Variants in SGIP1 observed in about 807,000 individuals in gnomAD.
SGIP1 encodes the protein SH3-containing GRB2-like protein 3-interacting protein 1.
Under a neutral mutation model 107.5 loss-of-function variants are expected in SGIP1, and 38 were observed. That is an observed-to-expected ratio of 0.35 (90% CI 0.27 to 0.46). SGIP1 has a LOEUF of 0.46. SGIP1 is among the 20% of genes least tolerant of loss of function. The pLI, the probability that SGIP1 is intolerant of heterozygous loss-of-function variation, is 1.00. For synonymous variants in SGIP1, 365 were observed against 366.1 expected (o/e 1.00, Z 0.03); for missense variants, 929 against 1,019.5 (o/e 0.91, Z 1.21).
intron 1 of SGIP1, among the ~76,000 whole-genome samples, chr1:66,597,202 T>C (rs964574): frequency 0.67 from 101,753 of 152,068 alleles, 35,315 homozygotes; most frequent in East Asian, 1. Flanking sequence ...TGCTTCTCTC[T>C]CTCCTCCCAA....
At chr1:66,598,575 T>A (rs1160785635) in intron 1 of SGIP1, among the ~76,000 whole-genome samples, 3 of 152,150 alleles carry the variant, frequency 2.0e-5, no homozygotes, top group African/African-American at 2.4e-5. Context: ...ACAGGAATCA[T>A]GGCAGCATCT....
At chr1:66,615,663 G>A (rs954815092) in intron 1 of SGIP1, among the ~76,000 whole-genome samples, 1 of 152,056 alleles carries the variant, frequency 6.6e-6, no homozygotes, top group Non-Finnish European at 1.5e-5. Flanking sequence ...TTGGTTTGAT[G>A]AATTACAATT....
intron 2 of SGIP1, among the ~76,000 whole-genome samples, chr1:66,629,681 T>A (rs2073820866): frequency 6.6e-6 from 1 of 151,968 alleles, no homozygotes; most frequent in Admixed American, 6.6e-5. Context: ...GCAAATACAA[T>A]AAGTCTGCCA....
intron 3 of SGIP1, among the ~76,000 whole-genome samples, chr1:66,635,188 C>T (rs1233477048): frequency 1.3e-5 from 2 of 152,192 alleles, no homozygotes; most frequent in Admixed American, 1.3e-4. Flanking sequence ...TCTCTGGTGA[C>T]AATGCTTCTG....
chr1:66,722,551 A>G (rs941263814), intron 19 of SGIP1, among the ~76,000 whole-genome samples: 2 of 152,192 alleles, frequency 1.3e-5, no homozygotes, highest in African/African-American at 4.8e-5. Context: ...TATTTACAAA[A>G]TGGCTACTAT....
rs568187935 is a variant in SGIP1 at position 66,539,827 on chromosome 1, G to A, written c.10+5459G>A. ...CTTGTCATCTCAAACATATATCCTGGGCTACTGAGTCCATCTCAGCCCGCT... is the reference window on the plus strand; with the variant it reads ...CTTGTCATCTCAAACATATATCCTGAGCTACTGAGTCCATCTCAGCCCGCT... On this transcript the variant is annotated intron_variant, in intron 1 of 24. Coordinates refer to ENST00000371037, the MANE Select transcript of SGIP1 (RefSeq NM_032291.4). Among the ~76,000 whole-genome samples the A allele has an allele frequency of 1.5e-3, 231 of 152,130 alleles. 3 individuals carry two copies. Among genetic ancestry groups the A allele is most frequent in the African/African-American group, 5.4e-3 (223 of 41,482 alleles).
chr1:66,729,428 G>T lies in SGIP1; in HGVS notation c.1898+9G>T, dbSNP rs1251696083. ...CCCCAACTTCTCTGCTGGTAAATAT[G>T]ATTTTGCATAAATTTTTCAGAGATA... On this transcript the variant is annotated intron_variant, in intron 20 of 24. Coordinates refer to ENST00000371037, the MANE Select transcript of SGIP1 (RefSeq NM_032291.4). 1 of 1,613,944 alleles carries T rather than the reference G, an allele frequency of 6.2e-7. No homozygotes were observed. Among genetic ancestry groups the T allele is most frequent in the East Asian group, 2.2e-5 (1 of 44,876 alleles).
chr1:66,681,880 T>G lies in SGIP1; in HGVS notation c.826T>G (p.Ser276Ala), dbSNP rs2086789521. The G allele has an allele frequency of 6.2e-7, 1 of 1,611,288 alleles. No individual in the cohort carries two copies. Among genetic ancestry groups the G allele is most frequent in the African/African-American group, 1.3e-5 (1 of 74,816 alleles). ...PLTIGPGNDQSATEVKIEKLP... is the reference protein window; with the variant it reads ...PLTIGPGNDQAATEVKIEKLP... ...TACTTTAACCACAGGAAATGACCAG[T>G]CAGCCACAGAGGTCAAAATTGAAAA... Residue 276 changes from serine to alanine, a missense_variant, in exon 15 of 25, where the codon TCA becomes GCA. By Grantham distance (99) the Ser-to-Ala change is moderately conservative (BLOSUM62 1). Coordinates refer to ENST00000371037, the MANE Select transcript of SGIP1 (RefSeq NM_032291.4).
chr1:66,646,849 A>G (rs777810750), intron 7 of SGIP1, among the ~76,000 whole-genome samples: 4 of 152,212 alleles, frequency 2.6e-5, no homozygotes, highest in Non-Finnish European at 5.9e-5. Context: ...TAGAAATAAA[A>G]TATAATGTTG....
At chr1:66,537,027 C>T (rs1426042076) in intron 1 of SGIP1, among the ~76,000 whole-genome samples, 1 of 152,168 alleles carries the variant, frequency 6.6e-6, no homozygotes, top group Non-Finnish European at 1.5e-5. Flanking sequence ...TCATTCAATG[C>T]CTATTGGAAA....
intron 2 of SGIP1, among the ~76,000 whole-genome samples, chr1:66,631,044 GAAGAAAGAAAGAAAGA>G (rs373346734): frequency 0.068 from 7,005 of 102,662 alleles, 183 homozygotes; most frequent in African/African-American, 0.076. Flanking sequence ...AGGAAGAAAG[GAAGAAAGAAAGAAAGA>G]AAGAAAGAAA....
intron 1 of SGIP1, among the ~76,000 whole-genome samples, chr1:66,568,263 C>T (rs2059923655): frequency 6.6e-6 from 1 of 151,854 alleles, no homozygotes; most frequent in African/African-American, 2.4e-5. Context: ...CTCTTTTTGC[C>T]CATTGTGAAT....
At chr1:66,653,955 A>C (rs1423453550) in intron 7 of SGIP1, among the ~76,000 whole-genome samples, 1 of 152,190 alleles carries the variant, frequency 6.6e-6, no homozygotes, top group Non-Finnish European at 1.5e-5. Flanking sequence ...TGAACAGTTT[A>C]CTGAATGTTG....
At chr1:66,582,965 T>G (rs926272991) in intron 1 of SGIP1, among the ~76,000 whole-genome samples, 1 of 152,014 alleles carries the variant, frequency 6.6e-6, no homozygotes, top group Non-Finnish European at 1.5e-5. Context: ...AAACTCAACT[T>G]AAATTTGGAT....
chr1:66,694,303 A>G (rs956980556), intron 17 of SGIP1: 1 of 655,926 alleles, frequency 1.5e-6, no homozygotes, highest in African/African-American at 1.9e-5. Context: ...TCATAATTCC[A>G]GTGTTTTCAG....
At chr1:66,582,491 T>C (rs1401266599) in intron 1 of SGIP1, among the ~76,000 whole-genome samples, 1 of 151,748 alleles carries the variant, frequency 6.6e-6, no homozygotes, top group Non-Finnish European at 1.5e-5. Flanking sequence ...AGTTTTTGAT[T>C]AAGTGAGAGG....
chr1:66,623,626 A>G (rs927319915), intron 1 of SGIP1, among the ~76,000 whole-genome samples: 1 of 152,158 alleles, frequency 6.6e-6, no homozygotes, highest in African/African-American at 2.4e-5. Flanking sequence ...GTGTATGCCT[A>G]TTGACATTCT....
chr1:66,593,078 G>T (rs1177286424), intron 1 of SGIP1, among the ~76,000 whole-genome samples: 2 of 151,594 alleles, frequency 1.3e-5, no homozygotes, highest in Non-Finnish European at 2.9e-5. Context: ...CCTTAACTTA[G>T]TAATATGCAT....
At chr1:66,681,837 T>C (rs776687519) in intron 14 of SGIP1, 32 bp from the exon 15 acceptor site, 48 of 1,574,778 alleles carry the variant, frequency 3.0e-5, no homozygotes, top group Admixed American at 1.1e-4. Flanking sequence ...AATAAGTCAA[T>C]TAAAGTTTAA....
Sources: allele counts gnomAD v4.1 joint callset (sites outside exome capture counted in the v4.1 genomes callset), GRCh38; gene constraint gnomAD v4.1.1; transcripts MANE v1.5; gene names NCBI Gene and HGNC (gene_info 2026-07-23, HGNC 2026-07-21).